PLBD2: variants seen among roughly 807,000 people sequenced by gnomAD.
PLBD2 encodes putative aminopeptidase PLBD2.
A neutral mutation model predicts 68.3 loss-of-function variants in PLBD2; 51 were observed. That is an observed-to-expected ratio of 0.75 (90% confidence interval 0.60 to 0.94). PLBD2 has a LOEUF of 0.94. Ranked by LOEUF, PLBD2 falls within the 40% of genes least tolerant of loss-of-function variation. PLBD2 has a pLI of 0.00. For missense variants in PLBD2, 729 were observed against 792.2 expected, an observed-to-expected ratio of 0.92 and a Z score of 0.96; for synonymous variants, 314 against 339.3, an observed-to-expected ratio of 0.93 and a Z score of 0.82.
chr12:113,384,202 C>T lies in PLBD2; in HGVS notation c.1055C>T (p.Ala352Val). The T allele has an allele frequency of 6.2e-7, 1 of 1,613,876 alleles. No homozygotes were observed. Among genetic ancestry groups the T allele is most frequent in the Non-Finnish European group, 8.5e-7 (1 of 1,179,936 alleles). ...CVLEWVRNIV[A>V]NRLASDGATW... Reference sequence around the variant, plus strand: ...CTGGAGTGGGTACGCAACATCGTGGCCAACCGCCTGGCCTCGGATGGGGCC... The same window carrying T: ...CTGGAGTGGGTACGCAACATCGTGGTCAACCGCCTGGCCTCGGATGGGGCC... The change falls in exon 7 of 12, where the codon GCC becomes GTC. Residue 352 changes from alanine to valine, a missense_variant. By Grantham distance (64) the Ala-to-Val change is moderately conservative. Coordinates refer to ENST00000280800, the MANE Select transcript of PLBD2 (RefSeq NM_173542.4). The surrounding 1 kb of genome is among the most constrained non-coding windows in gnomAD (Gnocchi z 4.2).
intron 5 of PLBD2, 46 bp downstream of exon 5, chr12:113,375,053 A>G (rs1223734231): frequency 1.3e-6 from 2 of 1,578,646 alleles, no homozygotes; most frequent in South Asian, 2.2e-5. Context: ...GTGGGTGGGC[A>G]CACACGTGGG....
At chr12:113,361,950 C>G (rs190044330) in intron 1 of PLBD2, among the ~76,000 whole-genome samples, 1 of 152,180 alleles carries the variant, frequency 6.6e-6, no homozygotes, top group East Asian at 1.9e-4. Context: ...GGGAAGCATC[C>G]CAAATCCACC....
chr12:113,358,833 G>A lies in PLBD2; in HGVS notation c.233G>A (p.Gly78Glu), dbSNP rs779582368. Reference sequence around the variant, plus strand: ...GCGGGCCAGCTGCTTATGGTGGACGGACGCCACCCTGACGCCGTGGCCTGG... The same window carrying A: ...GCGGGCCAGCTGCTTATGGTGGACGAACGCCACCCTGACGCCGTGGCCTGG... The part of the protein sequence containing the change: ...VSAGQLLMVD[G>E]RHPDAVAWAN... Residue 78 changes from glycine (G) to glutamate (E), a missense_variant, in exon 1 of 12, where the codon GGA (glycine) becomes GAA (glutamate). By Grantham distance (98) the Gly-to-Glu change is moderately conservative. Coordinates refer to ENST00000280800, the MANE Select transcript of PLBD2 (RefSeq NM_173542.4). The A allele has an allele frequency of 2.0e-6, 3 of 1,517,940 alleles. No homozygotes were observed. The highest frequency in any genetic ancestry group is 1.2e-5 in the South Asian group (1 of 81,556). 94.0% of individuals were successfully genotyped at this position (1,517,940 alleles called of 1,614,324 possible). A position where few individuals can be genotyped will look rare whatever the true frequency, so the allele number is the denominator to read the frequency against.
Position 113,384,322 on chromosome 12 carries a change from C to T in PLBD2, c.1118+57C>T. 6.4e-7 allele frequency: 1 copy of T among 1,551,734 alleles called. No individual in the cohort carries two copies. The highest frequency in any genetic ancestry group is 8.7e-7 in the Non-Finnish European group (1 of 1,145,854). ...TGCACCAAGAGATAGACCAACCTCCCCTTTAACACTCACACTCCTGGGGAC... is the reference window on the plus strand; with the variant it reads ...TGCACCAAGAGATAGACCAACCTCCTCTTTAACACTCACACTCCTGGGGAC... On this transcript the variant is annotated intron_variant, in intron 7 of 11. Transcript: ENST00000280800. This position sits in a 1 kb window ranked among gnomAD's most constrained non-coding sequence, Gnocchi z 4.2.
Position 113,372,133 on chromosome 12 carries a change from C to T in PLBD2, c.385-516C>T, listed in dbSNP as rs1030001296. ...GGCAGTGAGTGCTGCCACTCACTCA[C>T]GGGGATGACCAGGCTACGTGGTCTT... On this transcript the variant is annotated intron_variant, in intron 2 of 11. Coordinates refer to ENST00000280800, the MANE Select transcript of PLBD2 (RefSeq NM_173542.4). The surrounding 1 kb of genome is among the most constrained non-coding windows in gnomAD (Gnocchi z 4.2). 4.6e-5 allele frequency among the ~76,000 whole-genome samples: 7 copies of T among 151,344 alleles called. No homozygotes were observed. The highest frequency in any genetic ancestry group is 7.4e-5 in the Non-Finnish European group (5 of 67,970).
At chr12:113,363,692 C>T (rs968394559) in intron 1 of PLBD2, among the ~76,000 whole-genome samples, 1 of 151,970 alleles carries the variant, frequency 6.6e-6, no homozygotes, top group Admixed American at 6.6e-5. Flanking sequence ...TGCCCGCCCC[C>T]ACGCCCGGCT....
intron 1 of PLBD2, among the ~76,000 whole-genome samples, chr12:113,363,774 T>A (rs1038515266): frequency 9.9e-5 from 15 of 152,122 alleles, no homozygotes; most frequent in Non-Finnish European, 5.9e-5. Flanking sequence ...CCTGACCTCA[T>A]GATCCACCCG....
At chr12:113,373,243 T>C (rs912054162) in intron 3 of PLBD2, among the ~76,000 whole-genome samples, 1 of 152,242 alleles carries the variant, frequency 6.6e-6, no homozygotes, top group Non-Finnish European at 1.5e-5. Flanking sequence ...AGTGAGCTGC[T>C]GATCAGCTGG....
chr12:113,358,619 T>A lies in PLBD2; in HGVS notation c.19T>A (p.Cys7Ser), dbSNP rs781381800. ...TGCGGTCATGGTGGGCCAGATGTACTGCTACCCCGGCAGCCACCTGGCCCG... is the reference window on the plus strand; with the variant it reads ...TGCGGTCATGGTGGGCCAGATGTACAGCTACCCCGGCAGCCACCTGGCCCG... The part of the protein sequence containing the change: MVGQMY[C>S]YPGSHLARAL... The change falls in exon 1 of 12, where the codon TGC (cysteine) becomes AGC (serine). Residue 7 changes from cysteine to serine, a missense_variant. By Grantham distance (112) the Cys-to-Ser change is moderately radical (BLOSUM62 -1). Coordinates refer to ENST00000280800, the MANE Select transcript of PLBD2 (RefSeq NM_173542.4). 3.4e-5 allele frequency: 50 copies of A among 1,469,146 alleles called. 1 individual carries two copies. The South Asian group carries it at 6.2e-4, about 18-fold the overall frequency. 91.0% of individuals were successfully genotyped at this position (1,469,146 alleles called of 1,614,324 possible). A position where few individuals can be genotyped will look rare whatever the true frequency, so the allele number is the denominator to read the frequency against.
rs757308489 is a variant in PLBD2 at position 113,358,787 on chromosome 12, T to G, written c.187T>G (p.Ser63Ala). 1 of 1,460,566 alleles carries G rather than the reference T, an allele frequency of 6.8e-7. No homozygotes were observed. The allele number at this position is 1,460,566 out of a possible 1,614,324, so 90.5% of individuals were successfully genotyped here. ...GGTCCCTCCAGCCTCCCGCAGCCGC[T>G]CGGTGCTCCTGGACGTCTCGGCGGG... ...GQVPPASRSR[S>A]VLLDVSAGQL... Residue 63 changes from serine (S) to alanine (A), a missense_variant, in exon 1 of 12, where the codon TCG (serine) becomes GCG (alanine). Coordinates refer to ENST00000280800, the MANE Select transcript of PLBD2 (RefSeq NM_173542.4).
At position 113,365,366 on chromosome 12, in the gene PLBD2, G is replaced by A. The variant is rs144676424; in HGVS notation, c.291-3750G>A. On this transcript the variant is annotated intron_variant, in intron 1 of 11. Transcript: ENST00000280800. ...TGACAGAGTCTCATTCTGTCACCCCGGCTGGAGTATAGTGGCACAATCTTA... is the reference window on the plus strand; with the variant it reads ...TGACAGAGTCTCATTCTGTCACCCCAGCTGGAGTATAGTGGCACAATCTTA... Among the ~76,000 whole-genome samples the A allele has an allele frequency of 9.5e-4, 143 of 150,450 alleles. 1 individual carries two copies. Among genetic ancestry groups the A allele is most frequent in the African/African-American group, 3.5e-3 (141 of 40,806 alleles).
rs1957399450 is a variant in PLBD2, at chr12:113,372,676, G to A, written c.412G>A (p.Val138Met). ...CATCTACATGCACTGGATGAACACG[G>A]TGGTGAATTACTGCGGCCCCTTCGA... ...ELIYMHWMNT[V>M]VNYCGPFEYE... Residue 138 changes from valine to methionine, a missense_variant, in exon 3 of 12, where the codon GTG becomes ATG. Coordinates refer to ENST00000280800, the MANE Select transcript of PLBD2 (RefSeq NM_173542.4). The surrounding 1 kb of genome is among the most constrained non-coding windows in gnomAD (Gnocchi z 4.2). The A allele has an allele frequency of 6.2e-7, 1 of 1,613,982 alleles. No individual in the cohort carries two copies. The highest frequency in any genetic ancestry group is 1.3e-5 in the African/African-American group (1 of 74,928).
chr12:113,380,937 A>G (rs1458488047), intron 6 of PLBD2, 95 bp downstream of exon 6: 4 of 1,225,476 alleles, frequency 3.3e-6, no homozygotes, highest in South Asian at 1.3e-5. Context: ...AGTGGGGACC[A>G]GGCTGCAGCC....
Position 113,363,658 on chromosome 12 carries a change from C to T in PLBD2, c.290+4768C>T, listed in dbSNP as rs571721587. On this transcript the variant is annotated intron_variant, in intron 1 of 11. Coordinates refer to ENST00000280800, the MANE Select transcript of PLBD2 (RefSeq NM_173542.4). ...GTTCACGCCATTCTCCTGCCTCAGC[C>T]TCCCGAGTAGCTGGGACTACAGGTG... is the stretch of plus-strand genomic sequence containing the variant. Among the ~76,000 whole-genome samples the T allele has an allele frequency of 8.2e-4, 124 of 151,884 alleles. 2 individuals carry two copies. The highest frequency in any genetic ancestry group is 2.7e-3 in the African/African-American group (110 of 41,432).
At position 113,388,689 on chromosome 12, in the gene PLBD2, A is replaced by G; in HGVS notation, c.*63A>G. On this transcript the variant is annotated 3_prime_UTR_variant, in exon 12 of 12. Transcript: ENST00000280800. ...CCCTCGTCAGGGTCACCCCCGTCCC[A>G]AGGCCACCGGACTTCTAACTCCAGC... The G allele has an allele frequency of 6.7e-7, 1 of 1,482,830 alleles. No individual in the cohort carries two copies. The highest frequency in any genetic ancestry group is 9.0e-7 in the Non-Finnish European group (1 of 1,114,262). The allele number at this position is 1,482,830 out of a possible 1,614,324, so 91.9% of individuals were successfully genotyped here.
chr12:113,383,837 A>T (rs190967179), intron 6 of PLBD2, among the ~76,000 whole-genome samples: 1 of 151,514 alleles, frequency 6.6e-6, no homozygotes. Flanking sequence ...TGCCTCTACT[A>T]AAAATACAAA....
chr12:113,373,550 C>T lies in PLBD2; in HGVS notation c.543+743C>T, dbSNP rs182620939. 1.8e-3 allele frequency among the ~76,000 whole-genome samples: 281 copies of T among 152,278 alleles called. 3 individuals are homozygous for T. The highest frequency in any genetic ancestry group is 6.4e-3 in the African/African-American group (264 of 41,556). On this transcript the variant is annotated intron_variant, in intron 3 of 11. Transcript: ENST00000280800. ...CATCTACCTGTCCATTCCACACATC[C>T]ACCACCCATCCATCCACCCATCCAT...
rs1014523509 is a variant in PLBD2, at chr12:113,384,407, T to C, written c.1118+142T>C. The C allele has an allele frequency of 4.0e-5, 45 of 1,137,420 alleles. No homozygotes were observed. The highest frequency in any genetic ancestry group is 5.7e-5 in the Admixed American group (2 of 35,358). The allele number at this position is 1,137,420 out of a possible 1,614,324, so 70.5% of individuals were successfully genotyped here. A position where few individuals can be genotyped will look rare whatever the true frequency, so the allele number is the denominator to read the frequency against. On this transcript the variant is annotated intron_variant, in intron 7 of 11. Transcript: ENST00000280800. The surrounding 1 kb of genome is among the most constrained non-coding windows in gnomAD (Gnocchi z 4.2). ...TCCTTTGTTTCATACATGGGGAGAC[T>C]GAGGCTAGGGAAGGAAAGGATTTGC...
rs144027135 is a variant in PLBD2, at chr12:113,388,561, G to A, written c.1705G>A (p.Gly569Ser). Reference protein sequence around the residue: ...PFQWSTSPFSGLLHMGQPDLW... With the variant: ...PFQWSTSPFSSLLHMGQPDLW... ...CCAGTGGAGCACCTCGCCCTTCAGCGGCCTGCTGCACATGGGCCAGCCAGA... is the reference window on the plus strand; with the variant it reads ...CCAGTGGAGCACCTCGCCCTTCAGCAGCCTGCTGCACATGGGCCAGCCAGA... Residue 569 changes from glycine to serine, a missense_variant, in exon 12 of 12, where the codon GGC (glycine) becomes AGC (serine). By Grantham distance (56) the Gly-to-Ser change is moderately conservative. Coordinates refer to ENST00000280800, the MANE Select transcript of PLBD2 (RefSeq NM_173542.4). 26 of 1,611,136 alleles carry A rather than the reference G, an allele frequency of 1.6e-5. No individual in the cohort carries two copies. In the African/African-American group the frequency reaches 1.7e-4, roughly 11 times the overall value.
Sources: allele counts gnomAD v4.1 joint callset (sites outside exome capture counted in the v4.1 genomes callset), GRCh38; gene constraint gnomAD v4.1.1; non-coding constraint Gnocchi (gnomAD v3.1); transcripts MANE v1.5; gene names NCBI Gene and HGNC (gene_info 2026-07-23, HGNC 2026-07-21).